ZNF750: variants seen among roughly 807,000 people sequenced by gnomAD.
ZNF750 encodes the protein zinc finger protein 750.
A neutral mutation model predicts 31.6 loss-of-function variants in ZNF750; 10 were observed. The observed-to-expected ratio is 0.32, with a 90% CI of 0.19 to 0.54. ZNF750 has a LOEUF of 0.54. Among genes scored for constraint, ZNF750 ranks in the 20% least tolerant of loss-of-function variants. The probability of loss-of-function intolerance (pLI) is 0.95; values close to 1 mark genes in which losing one functional copy is unlikely to be tolerated. For missense variants in ZNF750, 914 were observed against 934.9 expected, an observed-to-expected ratio of 0.98 and a Z score of 0.29; for synonymous variants, 400 against 404.9, an observed-to-expected ratio of 0.99 and a Z score of 0.15.
Position 82,830,543 on chromosome 17 carries a change from C to T in ZNF750, c.1771G>A (p.Glu591Lys). 6.2e-7 allele frequency: 1 copy of T among 1,614,152 alleles called. No individual in the cohort carries two copies. The highest frequency in any genetic ancestry group is 8.5e-7 in the Non-Finnish European group (1 of 1,180,038). ...VPQKTGTEGS[E>K]DGPSHPETKP... ...GTCTCAGGGTGGCTGGGCCCATCCTCAGAACCTTCTGTCCCAGTCTTCTGT... is the reference window on the plus strand; with the variant it reads ...GTCTCAGGGTGGCTGGGCCCATCCTTAGAACCTTCTGTCCCAGTCTTCTGT... Residue 591 changes from glutamate to lysine, a missense_variant, in exon 3 of 3, where the codon GAG (glutamate) becomes AAG (lysine). Glu to Lys is a moderately conservative substitution (Grantham distance 56, BLOSUM62 1). Around this residue, in one of 2 missense-constraint regions of ZNF750, gnomAD observed 880 missense variants for 868.9 expected, o/e 1.01. Transcript: ENST00000269394.
In ZNF750 at chr17:82,830,458, G is replaced by A; in HGVS notation, c.1856C>T (p.Pro619Leu). The A allele has an allele frequency of 1.2e-6, 2 of 1,612,738 alleles. No homozygotes were observed. The highest frequency in any genetic ancestry group is 1.7e-6 in the Non-Finnish European group (2 of 1,179,828). The part of the protein sequence containing the change: ...APPTGPGEEA[P>L]DACAVDSSEE... ...GCTGCTGTCCACCGCGCATGCGTCT[G>A]GAGCCTCCTCGCCGGGGCCTGTGGG... Residue 619 changes from proline (P) to leucine (L), a missense_variant, in exon 3 of 3, where the codon CCA becomes CTA. Coordinates refer to ENST00000269394, the MANE Select transcript of ZNF750 (RefSeq NM_024702.3).
chr17:82,834,547 C>T (rs549192182), intron 1 of ZNF750, among the ~76,000 whole-genome samples: 3 of 152,142 alleles, frequency 2.0e-5, no homozygotes. Flanking sequence ...TAAAAAGGAA[C>T]GCGATCATGT....
At chr17:82,837,444 G>A (rs2054085119) in intron 1 of ZNF750, among the ~76,000 whole-genome samples, 1 of 152,208 alleles carries the variant, frequency 6.6e-6, no homozygotes, top group African/African-American at 2.4e-5. Flanking sequence ...TGTATTTAGA[G>A]GTGCAGTTTT....
rs370475946 is a variant in ZNF750, at chr17:82,831,704, C to T, written c.751G>A (p.Gly251Arg). The change falls in exon 2 of 3, where the codon GGG becomes AGG. Residue 251 changes from glycine (G) to arginine (R), a missense_variant. This residue lies in a region of ZNF750 where 880 missense variants were observed against 868.9 expected (regional missense o/e 1.01). Coordinates refer to ENST00000269394, the MANE Select transcript of ZNF750 (RefSeq NM_024702.3). The surrounding 1 kb of genome is among the most constrained non-coding windows in gnomAD (Gnocchi z 4.6). ...EYPPHFYTEH[G>R]LATIYSPYLL... Reference sequence around the variant, plus strand: ...TAAGGCGAGTAGATGGTGGCCAGCCCGTGCTCTGTGTAAAAGTGAGGCGGG... The same window carrying T: ...TAAGGCGAGTAGATGGTGGCCAGCCTGTGCTCTGTGTAAAAGTGAGGCGGG... The T allele has an allele frequency of 1.5e-5, 25 of 1,613,946 alleles. No individual in the cohort carries two copies. The highest frequency in any genetic ancestry group is 3.3e-4 in the Middle Eastern group (2 of 6,084).
rs1454948409 is a variant in ZNF750, at chr17:82,831,046, G to T, written c.1409C>A (p.Ala470Asp). ...TACTGGAGACTCTGCTGTGGTCTCA[G>T]CAGCCTGGGCAGGTAGGCATTCTGT... ...KSTECLPAQA[A>D]ETTAESPVSL... Residue 470 changes from alanine (A) to aspartate (D), a missense_variant, in exon 2 of 3, where the codon GCT becomes GAT. Ala to Asp is a moderately radical substitution (Grantham distance 126, BLOSUM62 -2). Transcript: ENST00000269394. The surrounding 1 kb of genome is among the most constrained non-coding windows in gnomAD (Gnocchi z 4.6). 8 of 1,614,192 alleles carry T rather than the reference G, an allele frequency of 5.0e-6. No individual in the cohort carries two copies. The highest frequency in any genetic ancestry group is 1.3e-5 in the African/African-American group (1 of 75,058).
rs1017228157 is a variant in ZNF750, at chr17:82,835,323, G to A, written c.-182-2687C>T. Among the ~76,000 whole-genome samples the A allele has an allele frequency of 2.0e-5, 3 of 152,170 alleles. No homozygotes were observed. The highest frequency in any genetic ancestry group is 7.2e-5 in the African/African-American group (3 of 41,458). ...TTCCTCCCACACGCCAGGGGCCAGG[G>A]GTGGTGGCTGGGCTTTCATATGGCT... is the stretch of plus-strand genomic sequence containing the variant. On this transcript the variant is annotated intron_variant, in intron 1 of 2. Coordinates refer to ENST00000269394, the MANE Select transcript of ZNF750 (RefSeq NM_024702.3). The surrounding 1 kb of genome is among the most constrained non-coding windows in gnomAD (Gnocchi z 4.5).
In ZNF750 at chr17:82,830,296, A is replaced by T. The variant is rs147314418; in HGVS notation, c.2018T>A (p.Met673Lys). Residue 673 changes from methionine (M) to lysine (K), a missense_variant, in exon 3 of 3, where the codon ATG (methionine) becomes AAG (lysine). Physicochemically the swap from Met to Lys is moderately conservative, Grantham distance 95 (BLOSUM62 -1). Around this residue, in one of 2 missense-constraint regions of ZNF750, gnomAD observed 880 missense variants for 868.9 expected, o/e 1.01. Coordinates refer to ENST00000269394, the MANE Select transcript of ZNF750 (RefSeq NM_024702.3). ...CRQDTPTLSS[M>K]ESQEAQCDLR... is the part of the protein sequence containing the mutation. ...GTCACACTGGGCCTCTTGGCTCTCC[A>T]TGGAGCTCAGTGTGGGTGTGTCTTG... 2.4e-4 allele frequency: 392 copies of T among 1,614,116 alleles called. 1 individual carries two copies. The African/African-American group carries it at 4.6e-3, about 19-fold the overall frequency.
chr17:82,836,757 T>C (rs2054022213), intron 1 of ZNF750, among the ~76,000 whole-genome samples: 1 of 152,018 alleles, frequency 6.6e-6, no homozygotes, highest in Admixed American at 6.5e-5. Flanking sequence ...CCCGTGTTGG[T>C]TAGATTTTCT....
intron 1 of ZNF750, chr17:82,838,571 C>T: frequency 8.3e-6 from 7 of 845,162 alleles, no homozygotes; most frequent in Non-Finnish European, 1.0e-5. Context: ...TTGCATAACT[C>T]AAGGACACAC....
rs1054185859 is a variant in ZNF750, at chr17:82,835,485, C to T, written c.-182-2849G>A. Among the ~76,000 whole-genome samples, 4 of 152,096 alleles carry T rather than the reference C, an allele frequency of 2.6e-5. No individual in the cohort carries two copies. The highest frequency in any genetic ancestry group is 2.0e-4 in the Admixed American group (3 of 15,266). On this transcript the variant is annotated intron_variant, in intron 1 of 2. Coordinates refer to ENST00000269394, the MANE Select transcript of ZNF750 (RefSeq NM_024702.3). The surrounding 1 kb of genome is among the most constrained non-coding windows in gnomAD (Gnocchi z 4.5). ...TTGCCCAGGCTGGAGGGCAGTGGTG[C>T]GATCTCGGTTCACTGCAACCTCTGC... is the stretch of plus-strand genomic sequence containing the variant.
At chr17:82,838,321 A>G (rs1177663853) in intron 1 of ZNF750, among the ~76,000 whole-genome samples, 1 of 141,992 alleles carries the variant, frequency 7.0e-6, no homozygotes, top group African/African-American at 2.6e-5. Context: ...AAAATAGACA[A>G]GAGAAAGAGT....
At position 82,831,120 on chromosome 17, in the gene ZNF750, G is replaced by A. The variant is rs1431265057; in HGVS notation, c.1335C>T (p.Leu445=). Residue 445 remains leucine, a synonymous_variant, in exon 2 of 3, where the codon CTC becomes CTT. Coordinates refer to ENST00000269394, the MANE Select transcript of ZNF750 (RefSeq NM_024702.3). The surrounding 1 kb of genome is among the most constrained non-coding windows in gnomAD (Gnocchi z 4.6). ...CTGTGAGGCTTTGCTCTGGCGGGTA[G>A]AGTCTTCCCAGTGCGCTGGAGGCTG... The part of the protein sequence containing the change: ...NKAASSALGR[L]YPPEQSLTAF... The A allele has an allele frequency of 1.2e-6, 2 of 1,614,078 alleles. No individual in the cohort carries two copies. Among genetic ancestry groups the A allele is most frequent in the African/African-American group, 2.7e-5 (2 of 74,926 alleles).
At position 82,832,845 on chromosome 17, in the gene ZNF750, GT is replaced by G. The variant is rs1449020157; in HGVS notation, c.-182-210del. 1.3e-5 allele frequency among the ~76,000 whole-genome samples: 2 copies of G among 152,226 alleles called. No individual in the cohort carries two copies. Among genetic ancestry groups the G allele is most frequent in the Non-Finnish European group, 2.9e-5 (2 of 68,038 alleles). ...CTGCTGACTCCCCACCGTGTTTTCT[GT>G]TTTCTGAGTCTGATCTGAAAGAGTC... On this transcript the variant is annotated intron_variant, in intron 1 of 2. Transcript: ENST00000269394. The surrounding 1 kb of genome is among the most constrained non-coding windows in gnomAD (Gnocchi z 4.9).
chr17:82,834,508 CAT>C (rs2053797737), intron 1 of ZNF750, among the ~76,000 whole-genome samples: 1 of 152,190 alleles, frequency 6.6e-6, no homozygotes, highest in Non-Finnish European at 1.5e-5. Flanking sequence ...AAATGCGGCA[CAT>C]ATACACCATG....
At position 82,832,456 on chromosome 17, in the gene ZNF750, T is replaced by G. The variant is rs1367877291; in HGVS notation, c.-2A>C. ...CTTCCGCTCTTTGAGGAGACTCATTTTCCTCCTTATGCCTTGGACTCTGGC... is the reference window on the plus strand; with the variant it reads ...CTTCCGCTCTTTGAGGAGACTCATTGTCCTCCTTATGCCTTGGACTCTGGC... On this transcript the variant is annotated 5_prime_UTR_variant, in exon 2 of 3. Coordinates refer to ENST00000269394, the MANE Select transcript of ZNF750 (RefSeq NM_024702.3). This position sits in a 1 kb window ranked among gnomAD's most constrained non-coding sequence, Gnocchi z 4.9. 2 of 1,608,508 alleles carry G rather than the reference T, an allele frequency of 1.2e-6. No individual in the cohort carries two copies. Among genetic ancestry groups the G allele is most frequent in the Non-Finnish European group, 1.7e-6 (2 of 1,179,756 alleles).
chr17:82,838,948 G>T (rs933591552), intron 1 of ZNF750: 1 of 985,266 alleles, frequency 1.0e-6, no homozygotes, highest in Admixed American at 6.2e-5. Context: ...AGATGTGGAC[G>T]GACTGTGCTT....
chr17:82,836,894 CAGTT>C (rs1352951116), intron 1 of ZNF750, among the ~76,000 whole-genome samples: 1 of 152,070 alleles, frequency 6.6e-6, no homozygotes, highest in African/African-American at 2.4e-5. Context: ...GTTCTTTGAT[CAGTT>C]AGTTCACGTA....
In ZNF750 at chr17:82,832,168, G is replaced by C; in HGVS notation, c.287C>G (p.Ser96Cys). The change falls in exon 2 of 3, where the codon TCT becomes TGT. Residue 96 changes from serine (S) to cysteine (C), a missense_variant. Transcript: ENST00000269394. The surrounding 1 kb of genome is among the most constrained non-coding windows in gnomAD (Gnocchi z 4.9). ...GTGCTGAAGCTTCGAGTCGAAGGCA[G>C]AGAGTCCATTTGCGACAGACTTGGA... is the stretch of plus-strand genomic sequence containing the variant. ...ASSKSVANGL[S>C]AFDSKLQHSS... 6.2e-7 allele frequency: 1 copy of C among 1,614,258 alleles called. No individual in the cohort carries two copies. Among genetic ancestry groups the C allele is most frequent in the Non-Finnish European group, 8.5e-7 (1 of 1,180,050 alleles).
rs1165899540 is a variant in ZNF750 at position 82,832,981 on chromosome 17, T to C, written c.-182-345A>G. On this transcript the variant is annotated intron_variant, in intron 1 of 2. Transcript: ENST00000269394. This position sits in a 1 kb window ranked among gnomAD's most constrained non-coding sequence, Gnocchi z 4.9. Reference sequence around the variant, plus strand: ...ACTTTCATCCTGTGACCTGGACCTTTCCTCGAAAGCGCCCTGCCGGGGGCT... The same window carrying C: ...ACTTTCATCCTGTGACCTGGACCTTCCCTCGAAAGCGCCCTGCCGGGGGCT... Among the ~76,000 whole-genome samples, 2 of 152,158 alleles carry C rather than the reference T, an allele frequency of 1.3e-5. No homozygotes were observed. The highest frequency in any genetic ancestry group is 2.9e-5 in the Non-Finnish European group (2 of 68,020).
Sources: gnomAD v4.1 joint callset for allele counts (sites outside exome capture counted in the v4.1 genomes callset) on GRCh38, gnomAD v4.1.1 for gene constraint, gnomAD v4.1.1 regional missense constraint, Gnocchi (gnomAD v3.1) non-coding constraint, MANE v1.5 for transcripts, NCBI Gene and HGNC (gene_info 2026-07-23, HGNC 2026-07-21) for gene names.